Variants in AKNA observed in about 807,000 individuals in gnomAD.
AKNA encodes AT-hook transcription factor.
Under a neutral mutation model 138.8 loss-of-function variants are expected in AKNA, and 67 were observed. The observed-to-expected ratio is 0.48, with a 90% CI of 0.40 to 0.59. The LOEUF is 0.59. Among genes scored for constraint, AKNA ranks in the 20% least tolerant of loss-of-function variants. The probability of loss-of-function intolerance (pLI) is 0.00; values close to 1 mark genes in which losing one functional copy is unlikely to be tolerated. For missense variants in AKNA, 1,813 were observed against 1,880.4 expected (o/e 0.96, Z 0.66); for synonymous variants, 737 against 754.4 (o/e 0.98, Z 0.38).
intron 6 of AKNA, among the ~76,000 whole-genome samples, chr9:114,365,266 A>C (rs989648793): frequency 6.6e-6 from 1 of 152,224 alleles, no homozygotes; most frequent in African/African-American, 2.4e-5. Flanking sequence ...GAACAATGTG[A>C]ATTCGTTGCC....
At chr9:114,340,212 TCA>T (rs987531332) in intron 21 of AKNA, among the ~76,000 whole-genome samples, 8 of 152,196 alleles carry the variant, frequency 5.3e-5, no homozygotes, top group African/African-American at 1.9e-4. Context: ...GCACCAGCCC[TCA>T]CAGTGACGCA....
At position 114,347,778 on chromosome 9, in the gene AKNA, C is replaced by T. The variant is rs573168301; in HGVS notation, c.3344G>A (p.Arg1115Gln). ...GGAGTCTGCTGGCCGGCCGCGGGTC[C>T]GGGCGGGGCGGTCAAAGGCAGATGC... Reference protein sequence around the residue: ...RPASAFDRPARTRGRPADSPA... With the variant: ...RPASAFDRPAQTRGRPADSPA... Residue 1115 changes from arginine (R) to glutamine (Q), a missense_variant, in exon 16 of 22, where the codon CGG becomes CAG. Transcript: ENST00000374088. The T allele has an allele frequency of 2.7e-5, 41 of 1,544,762 alleles. No individual in the cohort carries two copies. Among genetic ancestry groups the T allele is most frequent in the East Asian group, 2.2e-4 (9 of 40,158 alleles).
intron 1 of AKNA, among the ~76,000 whole-genome samples, chr9:114,383,537 G>C (rs559959993): frequency 1.3e-5 from 2 of 152,296 alleles, no homozygotes; most frequent in Admixed American, 1.3e-4. Context: ...CCAGAGAGGG[G>C]AGAGGCCTTG....
downstream of AKNA, chr9:114,332,056 C>A (rs1283796066): frequency 2.2e-5 from 15 of 666,886 alleles, no homozygotes; most frequent in Non-Finnish European, 3.9e-5. Context: ...TTTTAGGCAC[C>A]TGCCTCACTG....
intron 11 of AKNA, chr9:114,358,392 C>T (rs1328917996): frequency 3.7e-6 from 2 of 546,160 alleles, no homozygotes; most frequent in Non-Finnish European, 6.3e-6. Context: ...CCAACAAAAC[C>T]CACCCAACAC....
rs367770613 is a variant in AKNA at position 114,341,646 on chromosome 9, C to T, written c.3954G>A (p.Ser1318=). 309 of 1,609,568 alleles carry T rather than the reference C, an allele frequency of 1.9e-4. No homozygotes were observed. The highest frequency in any genetic ancestry group is 1.6e-4 in the Non-Finnish European group (193 of 1,178,558). Residue 1318 remains serine (S), a synonymous_variant, in exon 21 of 22, where the codon TCG becomes TCA. Transcript: ENST00000374088. The part of the protein sequence containing the change: ...PKQRSKQAGS[S]PRPPPGLWYL... ...ACCACAGTCCGGGGGGTGGGCGTGGCGACGACCCCGCCTGCTTGCTCCTCT... is the reference window on the plus strand; with the variant it reads ...ACCACAGTCCGGGGGGTGGGCGTGGTGACGACCCCGCCTGCTTGCTCCTCT...
chr9:114,370,085 G>A (rs1468330982), intron 4 of AKNA, among the ~76,000 whole-genome samples: 1 of 152,182 alleles, frequency 6.6e-6, no homozygotes, highest in African/African-American at 2.4e-5. Flanking sequence ...GTTTAGGGTG[G>A]GCCTGGTGGA....
At chr9:114,368,063 T>C in intron 5 of AKNA, 2 of 285,476 alleles carry the variant, frequency 7.0e-6, no homozygotes, top group Admixed American at 4.7e-5. Context: ...TCCCCTTGGC[T>C]GTCATGGGTG....
At chr9:114,330,801 G>A (rs1446803380), downstream of AKNA, 1 of 1,613,920 alleles carries the variant, frequency 6.2e-7, no homozygotes, top group Admixed American at 1.7e-5. Context: ...GCCAGAACCA[G>A]TGCTTCTATA....
intron 19 of AKNA, 57 bp downstream of exon 19, chr9:114,343,651 G>A: frequency 6.4e-7 from 1 of 1,556,040 alleles, no homozygotes; most frequent in Middle Eastern, 1.7e-4. Flanking sequence ...ACTCCCCTGA[G>A]GGCAAGAAGC....
At chr9:114,366,210 G>A (rs1832342688) in intron 6 of AKNA, among the ~76,000 whole-genome samples, 1 of 151,582 alleles carries the variant, frequency 6.6e-6, no homozygotes. Flanking sequence ...AACCCGGGAA[G>A]CGGAGGTTGC....
upstream of AKNA, among the ~76,000 whole-genome samples, chr9:114,392,131 G>GGAGTCT (rs1834371657): frequency 2.1e-5 from 3 of 145,468 alleles, no homozygotes; most frequent in African/African-American, 7.5e-5. Flanking sequence ...AAATCCACAG[G>GGAGTCT]GAGTCTGAGG....
chr9:114,360,490 C>T (rs10122672), intron 9 of AKNA, among the ~76,000 whole-genome samples: 63,242 of 152,026 alleles, frequency 0.42, 15,120 homozygotes, highest in Middle Eastern at 0.57. Context: ...CCTGCAATAC[C>T]TTCAACTGCA....
At chr9:114,369,661 A>G (rs1832619385) in intron 4 of AKNA, among the ~76,000 whole-genome samples, 1 of 151,296 alleles carries the variant, frequency 6.6e-6, no homozygotes, top group African/African-American at 2.5e-5. Flanking sequence ...CACCACTACC[A>G]TCATTAGCAT....
upstream of AKNA, among the ~76,000 whole-genome samples, chr9:114,388,555 CG>C (rs1412376528): frequency 6.6e-6 from 1 of 152,198 alleles, no homozygotes; most frequent in African/African-American, 2.4e-5. Flanking sequence ...GTGGGATGTT[CG>C]GGGCAGCATG....
chr9:114,384,617 A>G (rs917925010), intron 1 of AKNA, among the ~76,000 whole-genome samples: 1 of 152,064 alleles, frequency 6.6e-6, no homozygotes, highest in African/African-American at 2.4e-5. Flanking sequence ...AAGTAAGTAG[A>G]TTTTCTCTTC....
chr9:114,345,582 CT>C (rs1425627930), intron 18 of AKNA: 15 of 337,964 alleles, frequency 4.4e-5, no homozygotes, highest in Non-Finnish European at 8.2e-5. Context: ...ATCAGAACTT[CT>C]TTAGGATTGA....
upstream of AKNA, among the ~76,000 whole-genome samples, chr9:114,397,317 C>A (rs1427678486): frequency 6.6e-6 from 1 of 152,194 alleles, no homozygotes; most frequent in Admixed American, 6.5e-5. Context: ...CCAAATAAAA[C>A]CCACCAATTC....
chr9:114,349,008 G>T (rs867399754), intron 15 of AKNA: 104 of 455,302 alleles, frequency 2.3e-4, no homozygotes, highest in Middle Eastern at 1.3e-3. Context: ...AGCGCTGAGT[G>T]TGTGTGTCTG....
Sources: allele counts gnomAD v4.1 joint callset (sites outside exome capture counted in the v4.1 genomes callset), GRCh38; gene constraint gnomAD v4.1.1; transcripts MANE v1.5; gene names NCBI Gene and HGNC (gene_info 2026-07-23, HGNC 2026-07-21).